Variants in TMPRSS4 observed in about 807,000 individuals in gnomAD.
TMPRSS4 encodes transmembrane protease serine 4.
A neutral mutation model predicts 56.4 loss-of-function variants in TMPRSS4; 45 were observed. The observed-to-expected ratio is 0.80, with a 90% CI of 0.63 to 1.02. The LOEUF is 1.02. Ranked by LOEUF, TMPRSS4 falls within the 50% of genes least tolerant of loss-of-function variation. The pLI, the probability that TMPRSS4 is intolerant of heterozygous loss-of-function variation, is 0.00. For missense variants in TMPRSS4, 546 were observed against 556.7 expected (o/e 0.98, Z 0.19); for synonymous variants, 205 against 211.0 (o/e 0.97, Z 0.25).
At position 118,093,141 on chromosome 11, in the gene TMPRSS4, C is replaced by T. The variant is rs554390219; in HGVS notation, c.4-1675C>T. ...CCCAAGGGCAAGGCCAGGCATGTCC[C>T]TCCATCAGACTACAGGCTCGTTTGG... On this transcript the variant is annotated intron_variant, in intron 1 of 12. Transcript: ENST00000437212. Among the ~76,000 whole-genome samples the T allele has an allele frequency of 1.8e-4, 28 of 152,312 alleles. 1 individual carries two copies. Among genetic ancestry groups the T allele is most frequent in the Middle Eastern group, 6.8e-3 (2 of 294 alleles).
chr11:118,106,785 C>A (rs989949952), intron 5 of TMPRSS4: 2 of 152,324 alleles, frequency 1.3e-5, no homozygotes, highest in East Asian at 1.9e-4. Flanking sequence ...CACCCAGCCC[C>A]GTGCATCTTT....
In TMPRSS4 at chr11:118,118,531, G is replaced by A. The variant is rs1941627; in HGVS notation, c.*618G>A. ...TTCATTCTTTGGCTTGGGGAGAAAA[G>A]AAGTCCTGGGGAAGCAATTGAGTCT... On this transcript the variant is annotated 3_prime_UTR_variant, in exon 13 of 13. Transcript: ENST00000437212. The A allele has an allele frequency of 0.6, 594,344 of 985,232 alleles. 179,488 individuals carry two copies. Among genetic ancestry groups the A allele is most frequent in the South Asian group, 0.73 (15,471 of 21,280 alleles). 61.0% of individuals were successfully genotyped at this position (985,232 alleles called of 1,614,324 possible).
chr11:118,082,530 C>T (rs1945221894), intron 1 of TMPRSS4, among the ~76,000 whole-genome samples: 2 of 151,284 alleles, frequency 1.3e-5, no homozygotes, highest in South Asian at 4.2e-4. Context: ...CACTGCACTC[C>T]AGCCTGGGCA....
intron 1 of TMPRSS4, among the ~76,000 whole-genome samples, chr11:118,087,904 G>A (rs996219743): frequency 6.6e-6 from 1 of 152,236 alleles, no homozygotes; most frequent in Non-Finnish European, 1.5e-5. Flanking sequence ...CCCTGCAATA[G>A]GCCCCTTTCC....
chr11:118,102,152 C>T (rs562383862), intron 3 of TMPRSS4, among the ~76,000 whole-genome samples: 91 of 152,136 alleles, frequency 6.0e-4, no homozygotes, highest in South Asian at 5.4e-3. Context: ...TGATGCTCTC[C>T]CTCCTCCCGC....
rs751522658 is a variant in TMPRSS4, at chr11:118,115,182, G to T, written c.1054G>T (p.Asp352Tyr). ...GCTGCAGGCGTCAGTCCAGGTCATT[G>T]ACAGCACACGGTGCAATGCAGACGA... ...ILLQASVQVI[D>Y]STRCNADDAY... is the part of the protein sequence containing the mutation. Residue 352 changes from aspartate (D) to tyrosine (Y), a missense_variant, in exon 11 of 13, where the codon GAC becomes TAC. Asp to Tyr is a radical substitution (Grantham distance 160). Transcript: ENST00000437212. 3 of 1,612,680 alleles carry T rather than the reference G, an allele frequency of 1.9e-6. No homozygotes were observed. In the Admixed American group the frequency reaches 5.0e-5, roughly 27 times the overall value.
intron 1 of TMPRSS4, chr11:118,087,000 C>G (rs576377888): frequency 1.3e-5 from 2 of 152,334 alleles, no homozygotes; most frequent in Non-Finnish European, 2.9e-5. Flanking sequence ...TTCCCCACCC[C>G]CTCCCTTGGG....
chr11:118,111,951 C>T, intron 8 of TMPRSS4, 51 bp downstream of exon 8: 1 of 1,577,160 alleles, frequency 6.3e-7, no homozygotes, highest in Non-Finnish European at 8.6e-7. Context: ...CAGTCAGGGA[C>T]CAGAGAGCTT....
At chr11:118,101,534 C>G (rs1243589448) in intron 3 of TMPRSS4, among the ~76,000 whole-genome samples, 1 of 152,102 alleles carries the variant, frequency 6.6e-6, no homozygotes, top group Non-Finnish European at 1.5e-5. Context: ...AGAGTGTAAT[C>G]GTGTGATCAC....
chr11:118,111,307 G>A (rs535183759), intron 7 of TMPRSS4, among the ~76,000 whole-genome samples: 1 of 152,258 alleles, frequency 6.6e-6, no homozygotes, highest in East Asian at 1.9e-4. Context: ...TGGAGAAGGG[G>A]GAGTTTTGGA....
At chr11:118,111,996 C>T (rs1452578048) in intron 8 of TMPRSS4, 96 bp downstream of exon 8, 1 of 1,500,454 alleles carries the variant, frequency 6.7e-7, no homozygotes, top group Admixed American at 2.5e-5. Flanking sequence ...CTTCTCTTCA[C>T]TCTCCCACTA....
Position 118,107,789 on chromosome 11 carries a change from A to T in TMPRSS4, c.456A>T (p.Arg152Ser). 6.2e-7 allele frequency: 1 copy of T among 1,614,122 alleles called. No individual in the cohort carries two copies. Residue 152 changes from arginine (R) to serine (S), a missense_variant, in exon 6 of 13, where the codon AGA becomes AGT. Physicochemically the swap from Arg to Ser is moderately radical, Grantham distance 110. Transcript: ENST00000437212. ...ATGTGAGCAGCAAACCCACTTTCAG[A>T]GCTGTGGAGATTGGCCCAGACCAGG... ...QMGYSSKPTF[R>S]AVEIGPDQDL...
intron 1 of TMPRSS4, among the ~76,000 whole-genome samples, chr11:118,091,334 G>C (rs1591362148): frequency 6.6e-6 from 1 of 151,968 alleles, no homozygotes; most frequent in East Asian, 1.9e-4. Context: ...GCTCCTTCTT[G>C]TCACCTCCTC....
At position 118,119,710 on chromosome 11, in the gene TMPRSS4, T is replaced by C. The variant is rs1370967017; in HGVS notation, c.*1797T>C. Reference sequence around the variant, plus strand: ...AAGTGGTTAAGCTCCTTGCCTGAGATTATAGACTGTAAGTTGAACGTGAGC... The same window carrying C: ...AAGTGGTTAAGCTCCTTGCCTGAGACTATAGACTGTAAGTTGAACGTGAGC... On this transcript the variant is annotated 3_prime_UTR_variant, in exon 13 of 13. Coordinates refer to ENST00000437212, the MANE Select transcript of TMPRSS4 (RefSeq NM_019894.4). 2 of 152,204 alleles carry C rather than the reference T, an allele frequency of 1.3e-5. No individual in the cohort carries two copies. The highest frequency in any genetic ancestry group is 2.9e-5 in the Non-Finnish European group (2 of 68,036). The allele number at this position is 152,204 out of a possible 1,614,324, so 9.4% of individuals were successfully genotyped here. A position where few individuals can be genotyped will look rare whatever the true frequency, so the allele number is the denominator to read the frequency against.
intron 8 of TMPRSS4, 33 bp downstream of exon 8, chr11:118,111,933 A>T: frequency 6.3e-7 from 1 of 1,588,644 alleles, no homozygotes; most frequent in Non-Finnish European, 8.5e-7. Flanking sequence ...GTCTCTGGGG[A>T]CCAAGGCCAG....
At chr11:118,124,013 AAGT>A, downstream of TMPRSS4, among the ~76,000 whole-genome samples, 1 of 152,312 alleles carries the variant, frequency 6.6e-6, no homozygotes, top group African/African-American at 2.4e-5. Context: ...TGATATAGTT[AAGT>A]AAGAAAGATA....
intron 3 of TMPRSS4, among the ~76,000 whole-genome samples, chr11:118,100,897 C>T (rs777360374): frequency 3.3e-5 from 5 of 152,200 alleles, no homozygotes; most frequent in Non-Finnish European, 5.9e-5. Context: ...GGTTGTTACC[C>T]AGTCCTCCAT....
Position 118,119,140 on chromosome 11 carries a change from C to T in TMPRSS4, c.*1227C>T. On this transcript the variant is annotated 3_prime_UTR_variant, in exon 13 of 13. Coordinates refer to ENST00000437212, the MANE Select transcript of TMPRSS4 (RefSeq NM_019894.4). ...ATGCCAAAAACAAAGAAAATAGAAA[C>T]CCAGAAAACAAAACAAAATAAAACA... 1.0e-6 allele frequency: 1 copy of T among 985,328 alleles called. No individual in the cohort carries two copies. Among genetic ancestry groups the T allele is most frequent in the Non-Finnish European group, 1.2e-6 (1 of 829,936 alleles). 61.0% of individuals were successfully genotyped at this position (985,328 alleles called of 1,614,324 possible). A position where few individuals can be genotyped will look rare whatever the true frequency, so the allele number is the denominator to read the frequency against.
At chr11:118,112,007 G>A in intron 8 of TMPRSS4, 107 bp downstream of exon 8, 2 of 1,465,860 alleles carry the variant, frequency 1.4e-6, no homozygotes, top group Non-Finnish European at 1.8e-6. Flanking sequence ...TCTCCCACTA[G>A]AGACGTTTTC....
Sources: allele counts gnomAD v4.1 joint callset (sites outside exome capture counted in the v4.1 genomes callset), GRCh38; gene constraint gnomAD v4.1.1; transcripts MANE v1.5; gene names NCBI Gene and HGNC (gene_info 2026-07-23, HGNC 2026-07-21).